Variants in RNF6 observed in about 807,000 individuals in gnomAD.
RNF6 encodes the protein ring finger protein 6.
Under a neutral mutation model 50.1 loss-of-function variants are expected in RNF6, and 21 were observed. That is an observed-to-expected ratio of 0.42 (90% confidence interval 0.30 to 0.60). The LOEUF (loss-of-function observed/expected upper bound fraction) is 0.60, where lower values mean the gene tolerates loss of function less well. Ranked by LOEUF, RNF6 falls within the 20% of genes least tolerant of loss-of-function variation. The probability of loss-of-function intolerance (pLI) is 0.20; values close to 1 mark genes in which losing one functional copy is unlikely to be tolerated. For missense variants in RNF6, 698 were observed against 838.2 expected (o/e 0.83, Z 2.07); for synonymous variants, 255 against 291.8 (o/e 0.87, Z 1.29).
At chr13:26,138,932 C>G (rs1369838) in intron 5 of RNF6, among the ~76,000 whole-genome samples, 20,235 of 152,176 alleles carry the variant, frequency 0.13, 1,712 homozygotes, top group Admixed American at 0.2. Flanking sequence ...TCTGGTCAGA[C>G]GGGTATCCTC....
chr13:26,177,108 A>G (rs1241285075), intron 5 of RNF6, among the ~76,000 whole-genome samples: 3 of 152,148 alleles, frequency 2.0e-5, no homozygotes. Context: ...GTTTCTGTCC[A>G]GAGTCTCAGA....
downstream of RNF6, among the ~76,000 whole-genome samples, chr13:26,210,128 T>C (rs756107470): frequency 1.3e-5 from 2 of 152,246 alleles, no homozygotes; most frequent in South Asian, 2.1e-4. Flanking sequence ...CGTGGGATGA[T>C]GTTCTCAACG....
At chr13:26,204,512 AAAAGAAAG>A (rs1379816040) in intron 5 of RNF6, among the ~76,000 whole-genome samples, 7 of 148,732 alleles carry the variant, frequency 4.7e-5, no homozygotes, top group Non-Finnish European at 8.8e-5. Context: ...AAAAAAAAAA[AAAAGAAAG>A]AAAGAAAGAA....
chr13:26,216,681 G>A (rs574223371), intron 4 of RNF6, among the ~76,000 whole-genome samples: 28 of 152,254 alleles, frequency 1.8e-4, no homozygotes, highest in East Asian at 5.8e-4. Context: ...TAGGCCGGGC[G>A]CGGTGGCTCA....
At chr13:26,140,026 C>T (rs999197632) in intron 5 of RNF6, among the ~76,000 whole-genome samples, 1 of 152,054 alleles carries the variant, frequency 6.6e-6, no homozygotes, top group African/African-American at 2.4e-5. Flanking sequence ...TAACTATTGG[C>T]ATATAAAATG....
chr13:26,176,568 T>G (rs1372483501), intron 5 of RNF6, among the ~76,000 whole-genome samples: 1 of 152,214 alleles, frequency 6.6e-6, no homozygotes, highest in African/African-American at 2.4e-5. Flanking sequence ...AAATAGGGTC[T>G]CTGCCAATGT....
At position 26,175,147 on chromosome 13, in the gene RNF6, C is replaced by T. The variant is rs144462897; in HGVS notation, n.768+40327G>A. Among the ~76,000 whole-genome samples the T allele has an allele frequency of 3.4e-3, 521 of 152,216 alleles. 5 individuals carry two copies. The highest frequency in any genetic ancestry group is 0.012 in the African/African-American group (495 of 41,534). ...CCAGGCTGGAGTGCAATGGCGTGAT[C>T]TCGGCTCACTGCAACCTCCACCTCC... On this transcript the variant is annotated intron_variant and non_coding_transcript_variant, in intron 5 of 5. Coordinates refer to the RNF6 transcript ENST00000468480.
chr13:26,141,340 A>C (rs914924385), intron 5 of RNF6, among the ~76,000 whole-genome samples: 4 of 151,852 alleles, frequency 2.6e-5, no homozygotes, highest in African/African-American at 9.7e-5. Flanking sequence ...AGGCAGGAGA[A>C]TTGCTTGAAC....
chr13:26,200,918 A>G lies in RNF6; in HGVS notation n.768+14556T>C, dbSNP rs139884741. Among the ~76,000 whole-genome samples the G allele has an allele frequency of 3.1e-3, 472 of 152,316 alleles. 4 individuals are homozygous for G. The highest frequency in any genetic ancestry group is 0.011 in the African/African-American group (439 of 41,574). On this transcript the variant is annotated intron_variant and non_coding_transcript_variant, in intron 5 of 5. Coordinates refer to the RNF6 transcript ENST00000468480. Reference sequence around the variant, plus strand: ...CAAGACTCAAAGTAAGTAAAAAGTAATCATGTTATTTTTCAAAAAATTAAA... The same window carrying G: ...CAAGACTCAAAGTAAGTAAAAAGTAGTCATGTTATTTTTCAAAAAATTAAA...
At chr13:26,167,774 A>T (rs1200743384) in intron 5 of RNF6, among the ~76,000 whole-genome samples, 1 of 152,250 alleles carries the variant, frequency 6.6e-6, no homozygotes. Flanking sequence ...CACTATTCAT[A>T]ATAGCAAAGA....
At position 26,151,605 on chromosome 13, in the gene RNF6, C is replaced by CT. The variant is rs753212062; in HGVS notation, n.769-19155dup. On this transcript the variant is annotated intron_variant and non_coding_transcript_variant, in intron 5 of 5. Transcript: ENST00000468480. ...TGATATCTTAACTGAACCTTTTCTCCTTTTTTTCTTTTTTTCTTTTTTTTT... is the reference window on the plus strand; with the variant it reads ...TGATATCTTAACTGAACCTTTTCTCCTTTTTTTTCTTTTTTTCTTTTTTTTT... 3.1e-3 allele frequency among the ~76,000 whole-genome samples: 117 copies of CT among 38,280 alleles called. No homozygotes were observed. The Middle Eastern group carries it at 0.069, about 22-fold the overall frequency. The allele number at this position is 38,280 out of a possible 152,430, so 25.1% of individuals were successfully genotyped here.
At chr13:26,169,225 T>C (rs1247357435) in intron 5 of RNF6, among the ~76,000 whole-genome samples, 1 of 151,960 alleles carries the variant, frequency 6.6e-6, no homozygotes, top group African/African-American at 2.4e-5. Context: ...TCACAGACTC[T>C]AGGTGGGCAT....
At chr13:26,174,731 G>A (rs932075636) in intron 5 of RNF6, among the ~76,000 whole-genome samples, 1 of 152,040 alleles carries the variant, frequency 6.6e-6, no homozygotes, top group African/African-American at 2.4e-5. Context: ...CGGCACAAAC[G>A]GTCCCAATCC....
chr13:26,139,315 C>T (rs562249666), intron 5 of RNF6, among the ~76,000 whole-genome samples: 1 of 152,290 alleles, frequency 6.6e-6, no homozygotes, highest in African/African-American at 2.4e-5. Flanking sequence ...TAAGCTGTTT[C>T]CTCTGCCCTG....
intron 5 of RNF6, among the ~76,000 whole-genome samples, chr13:26,138,679 T>C (rs1488084392): frequency 6.6e-6 from 1 of 152,146 alleles, no homozygotes; most frequent in African/African-American, 2.4e-5. Context: ...CAAATGAGAT[T>C]GTTATAAATT....
At chr13:26,145,293 C>T (rs2137566067) in intron 5 of RNF6, among the ~76,000 whole-genome samples, 1 of 152,312 alleles carries the variant, frequency 6.6e-6, no homozygotes, top group East Asian at 1.9e-4. Context: ...GTCTTACGCT[C>T]AGGTGATCGG....
intron 5 of RNF6, among the ~76,000 whole-genome samples, chr13:26,148,331 T>C (rs1871358950): frequency 6.6e-6 from 1 of 151,932 alleles, no homozygotes; most frequent in Admixed American, 6.6e-5. Flanking sequence ...ATGCAAACCA[T>C]GCCACACAGG....
chr13:26,146,919 A>C (rs1203091863), intron 5 of RNF6, among the ~76,000 whole-genome samples: 1 of 152,134 alleles, frequency 6.6e-6, no homozygotes, highest in Non-Finnish European at 1.5e-5. Flanking sequence ...TAGAGCTCTC[A>C]TGAGATCTGG....
At chr13:26,178,591 C>CGGGTGTGT (rs1873080041) in intron 5 of RNF6, among the ~76,000 whole-genome samples, 2 of 100,324 alleles carry the variant, frequency 2.0e-5, no homozygotes, top group Non-Finnish European at 4.0e-5. Flanking sequence ...CTGCCTGGTC[C>CGGGTGTGT]GTGTGTGTGT....
Sources: gnomAD v4.1 joint callset for allele counts (sites outside exome capture counted in the v4.1 genomes callset) on GRCh38, gnomAD v4.1.1 for gene constraint, MANE v1.5 for transcripts, NCBI Gene and HGNC (gene_info 2026-07-23, HGNC 2026-07-21) for gene names.